Variants in EMCN observed in about 807,000 individuals in gnomAD.
EMCN encodes the protein endomucin.
A neutral mutation model predicts 38.4 loss-of-function variants in EMCN; 37 were observed. The observed-to-expected ratio is 0.96, with a 90% CI of 0.74 to 1.27. The LOEUF is 1.27. Among genes scored for constraint, EMCN ranks in the 50% most tolerant of loss-of-function variants. The pLI is 0.00. For missense variants in EMCN, 318 were observed against 302.8 expected, an observed-to-expected ratio of 1.05 and a Z score of -0.37; for synonymous variants, 95 against 100.8, an observed-to-expected ratio of 0.94 and a Z score of 0.35.
intron 2 of EMCN, among the ~76,000 whole-genome samples, chr4:100,476,311 T>C (rs925037488): frequency 1.3e-5 from 2 of 151,456 alleles, no homozygotes; most frequent in African/African-American, 4.9e-5. Flanking sequence ...CTTGACAAGG[T>C]CTTGCTCTGT....
intron 4 of EMCN, among the ~76,000 whole-genome samples, chr4:100,461,891 A>T (rs1445258793): frequency 9.2e-5 from 14 of 152,302 alleles, no homozygotes; most frequent in Non-Finnish European, 2.9e-5. Flanking sequence ...TTTAACCAAC[A>T]GTAGATTGTT....
chr4:100,426,302 C>A (rs1727043618), intron 5 of EMCN, among the ~76,000 whole-genome samples: 1 of 152,142 alleles, frequency 6.6e-6, no homozygotes, highest in African/African-American at 2.4e-5. Context: ...AGGCTGCTCC[C>A]AGCCAATGAG....
At chr4:100,404,307 GAAAGTCCTTTCCCC>G (rs1726337289) in intron 11 of EMCN, among the ~76,000 whole-genome samples, 1 of 152,144 alleles carries the variant, frequency 6.6e-6, no homozygotes, top group African/African-American at 2.4e-5. Flanking sequence ...TCCTTGAATA[GAAAGTCCTTTCCCC>G]ACTGCTTGTT....
rs764653890 is a variant in EMCN, at chr4:100,410,312, C to A, written c.*9G>T. On this transcript the variant is annotated 3_prime_UTR_variant, in exon 11 of 12. Transcript: ENST00000296420. ...TATTGCCTAGGTGTGGAGAGAATTCCTCAAGCTGTCAGTTCTTGGTTTTTC... is the reference window on the plus strand; with the variant it reads ...TATTGCCTAGGTGTGGAGAGAATTCATCAAGCTGTCAGTTCTTGGTTTTTC... 1 of 1,613,402 alleles carries A rather than the reference C, an allele frequency of 6.2e-7. No homozygotes were observed. Among genetic ancestry groups the A allele is most frequent in the Non-Finnish European group, 8.5e-7 (1 of 1,179,406 alleles).
intron 11 of EMCN, among the ~76,000 whole-genome samples, chr4:100,405,739 TAGAA>T (rs1453303895): frequency 2.6e-5 from 4 of 152,218 alleles, no homozygotes; most frequent in African/African-American, 9.6e-5. Flanking sequence ...GTTAGCCACA[TAGAA>T]AGAGTTAGGG....
At chr4:100,501,305 A>G (rs1729344203) in intron 1 of EMCN, among the ~76,000 whole-genome samples, 2 of 152,136 alleles carry the variant, frequency 1.3e-5, no homozygotes, top group South Asian at 2.1e-4. Flanking sequence ...GAAAAGATCA[A>G]TCATTACTCA....
intron 3 of EMCN, among the ~76,000 whole-genome samples, chr4:100,466,956 T>C (rs1728333082): frequency 6.6e-6 from 1 of 151,908 alleles, no homozygotes; most frequent in South Asian, 2.1e-4. Context: ...TTCCCTAGTA[T>C]CAAGCAGACT....
At chr4:100,463,398 T>C (rs1188765378) in intron 4 of EMCN, among the ~76,000 whole-genome samples, 2 of 152,194 alleles carry the variant, frequency 1.3e-5, no homozygotes, top group Non-Finnish European at 2.9e-5. Flanking sequence ...CTCTGCTGTT[T>C]GTTTGTTGGG....
At chr4:100,514,472 C>T (rs1560648953) in intron 1 of EMCN, among the ~76,000 whole-genome samples, 1 of 152,014 alleles carries the variant, frequency 6.6e-6, no homozygotes, top group Non-Finnish European at 1.5e-5. Context: ...CCTTTTATTT[C>T]TCTTGACTCC....
chr4:100,487,572 G>C (rs995930927), intron 1 of EMCN, among the ~76,000 whole-genome samples: 1 of 152,186 alleles, frequency 6.6e-6, no homozygotes, highest in Non-Finnish European at 1.5e-5. Flanking sequence ...TAATCCCCAT[G>C]TGTCAAGGGA....
At chr4:100,410,470 G>T in intron 10 of EMCN, 115 bp from the exon 11 acceptor site, 1 of 1,007,124 alleles carries the variant, frequency 9.9e-7, no homozygotes, top group Non-Finnish European at 1.5e-6. Flanking sequence ...CTGCAAGAAT[G>T]TCATTAAAGC....
At chr4:100,442,775 C>T (rs1727559551) in intron 5 of EMCN, among the ~76,000 whole-genome samples, 1 of 151,822 alleles carries the variant, frequency 6.6e-6, no homozygotes, top group African/African-American at 2.4e-5. Context: ...AATTGTTTTC[C>T]TGATTTTATT....
rs761228310 is a variant in EMCN, at chr4:100,415,933, T to C, written c.716A>G (p.Lys239Arg). The change falls in exon 10 of 12, where the codon AAG becomes AGG. Residue 239 changes from lysine (K) to arginine (R), a missense_variant. Physicochemically the swap from Lys to Arg is conservative, Grantham distance 26 (BLOSUM62 2). Coordinates refer to ENST00000296420, the MANE Select transcript of EMCN (RefSeq NM_016242.4). ...DQPQSDKESV[K>R]LLTVKTISHE... The stretch of plus-strand genomic sequence containing the variant: ...AGAAATTGTCTTAACGGTAAGAAGC[T>C]TCACGCTCTCTTTATCAGACTGAGG... 18 of 1,592,104 alleles carry C rather than the reference T, an allele frequency of 1.1e-5. No individual in the cohort carries two copies. Among genetic ancestry groups the C allele is most frequent in the Admixed American group, 3.6e-5 (2 of 55,760 alleles).
chr4:100,454,285 T>C (rs961408069), intron 4 of EMCN, among the ~76,000 whole-genome samples: 14 of 150,844 alleles, frequency 9.3e-5, no homozygotes, highest in Non-Finnish European at 1.6e-4. Flanking sequence ...TTTGAAGTTT[T>C]GCAAGGAAGT....
At chr4:100,462,156 A>C (rs1283053277) in intron 4 of EMCN, among the ~76,000 whole-genome samples, 1 of 152,188 alleles carries the variant, frequency 6.6e-6, no homozygotes, top group Non-Finnish European at 1.5e-5. Context: ...AATTCTAAAA[A>C]ATTTTGTATA....
chr4:100,417,165 T>C lies in EMCN; in HGVS notation c.665-24A>G, dbSNP rs749643012. ...GCCTAGGAGAAGAGGGAGTTGTTAT[T>C]AGAGTTGCAAAGAAGTTGGCTACCA... On this transcript the variant is annotated intron_variant, in intron 8 of 11. Transcript: ENST00000296420. 2.3e-5 allele frequency: 37 copies of C among 1,613,400 alleles called. No homozygotes were observed. In the East Asian group the frequency reaches 4.0e-4, roughly 18 times the overall value.
chr4:100,475,149 T>A (rs1578218512), intron 2 of EMCN, 40 bp from the exon 3 acceptor site: 1 of 1,001,710 alleles, frequency 1.0e-6, no homozygotes, highest in East Asian at 2.7e-5. Flanking sequence ...TTAATCATAA[T>A]CTCATGTTAT....
At chr4:100,463,085 T>C (rs1728224747) in intron 4 of EMCN, among the ~76,000 whole-genome samples, 1 of 152,182 alleles carries the variant, frequency 6.6e-6, no homozygotes, top group Non-Finnish European at 1.5e-5. Context: ...GTGTGTTTAC[T>C]ATACATAGAA....
chr4:100,408,722 A>C (rs1290875343), intron 11 of EMCN, among the ~76,000 whole-genome samples: 2 of 152,120 alleles, frequency 1.3e-5, no homozygotes, highest in East Asian at 3.9e-4. Flanking sequence ...AGACAAGCTT[A>C]GGATTTTTTC....
Sources: allele counts gnomAD v4.1 joint callset (sites outside exome capture counted in the v4.1 genomes callset), GRCh38; gene constraint gnomAD v4.1.1; transcripts MANE v1.5; gene names NCBI Gene and HGNC (gene_info 2026-07-23, HGNC 2026-07-21).